CCSER1: variants seen among roughly 807,000 people sequenced by gnomAD.
CCSER1 encodes the protein serine-rich coiled-coil domain-containing protein 1.
CCSER1 carries 41 observed loss-of-function variants against 82.0 expected under a neutral mutation model. The observed-to-expected ratio is 0.50, with a 90% CI of 0.39 to 0.65. The LOEUF (loss-of-function observed/expected upper bound fraction) is 0.65. CCSER1 is among the 30% of genes least tolerant of loss of function. The pLI, the probability that CCSER1 is intolerant of heterozygous loss-of-function variation, is 0.00. For missense variants in CCSER1, 1,119 were observed against 1,064.2 expected (o/e 1.05, Z -0.72); for synonymous variants, 414 against 383.9 (o/e 1.08, Z -0.92).
intron 7 of CCSER1, among the ~76,000 whole-genome samples, chr4:90,796,525 C>T (rs1756065419): frequency 1.3e-5 from 2 of 150,816 alleles, no homozygotes; most frequent in Admixed American, 1.3e-4. Flanking sequence ...CTTCTGCTAG[C>T]TTTGTGATTT....
At chr4:91,379,231 G>C (rs977470418) in intron 10 of CCSER1, among the ~76,000 whole-genome samples, 8 of 152,102 alleles carry the variant, frequency 5.3e-5, no homozygotes, top group Non-Finnish European at 1.0e-4. Flanking sequence ...TTGTGTCTCT[G>C]TCAGGCTTTG....
rs138517080 is a variant in CCSER1 at position 91,344,856 on chromosome 4, T to C, written c.2218-253716T>C. Among the ~76,000 whole-genome samples the C allele has an allele frequency of 2.4e-3, 367 of 152,266 alleles. 2 individuals carry two copies. The highest frequency in any genetic ancestry group is 8.0e-3 in the African/African-American group (332 of 41,550). On this transcript the variant is annotated intron_variant, in intron 10 of 10. Transcript: ENST00000509176. ...ATTACAGTACTCAAAATAAATGAAT[T>C]ATAAAGGTAAATATGTAAATATTTG...
intron 10 of CCSER1, among the ~76,000 whole-genome samples, chr4:91,568,888 G>A (rs551923630): frequency 1.3e-5 from 2 of 152,200 alleles, no homozygotes; most frequent in Non-Finnish European, 2.9e-5. Flanking sequence ...TGGAGAAATG[G>A]TGAGGTCATT....
intron 1 of CCSER1, among the ~76,000 whole-genome samples, chr4:90,225,151 C>T (rs1051781302): frequency 1.4e-4 from 21 of 151,930 alleles, no homozygotes; most frequent in African/African-American, 5.1e-4. Flanking sequence ...GCAGCCTCAG[C>T]CTCCATGGGT....
At chr4:90,279,309 T>G (rs1486213306) in intron 1 of CCSER1, among the ~76,000 whole-genome samples, 2 of 152,060 alleles carry the variant, frequency 1.3e-5, no homozygotes, top group Non-Finnish European at 2.9e-5. Context: ...TAGTTTTATC[T>G]GGGTGGTGTT....
intron 10 of CCSER1, among the ~76,000 whole-genome samples, chr4:91,594,217 T>A (rs1764410459): frequency 6.6e-6 from 1 of 151,690 alleles, no homozygotes; most frequent in Non-Finnish European, 1.5e-5. Flanking sequence ...GTAATAAACA[T>A]TGGTTAACAT....
intron 5 of CCSER1, among the ~76,000 whole-genome samples, chr4:90,603,825 A>C (rs953016960): frequency 1.3e-5 from 2 of 152,292 alleles, no homozygotes; most frequent in Middle Eastern, 3.4e-3. Flanking sequence ...CCCTGTTTGT[A>C]GATGATTTAG....
intron 10 of CCSER1, among the ~76,000 whole-genome samples, chr4:91,373,290 A>T (rs187855978): frequency 4.6e-5 from 7 of 152,188 alleles, no homozygotes; most frequent in Non-Finnish European, 1.0e-4. Context: ...CACTTTGCAG[A>T]TATTGCACGT....
At chr4:91,111,612 G>A (rs1216092482) in intron 10 of CCSER1, among the ~76,000 whole-genome samples, 2 of 151,750 alleles carry the variant, frequency 1.3e-5, no homozygotes, top group Admixed American at 6.6e-5. Flanking sequence ...ATAAAATAAA[G>A]ATTGTATATA....
intron 7 of CCSER1, among the ~76,000 whole-genome samples, chr4:90,736,895 C>T (rs554103715): frequency 3.3e-5 from 5 of 151,980 alleles, no homozygotes; most frequent in African/African-American, 1.2e-4. Context: ...ATGAGATTTG[C>T]AAGTAACAAC....
At chr4:91,571,945 C>T (rs952527875) in intron 10 of CCSER1, among the ~76,000 whole-genome samples, 1 of 152,066 alleles carries the variant, frequency 6.6e-6, no homozygotes, top group African/African-American at 2.4e-5. Flanking sequence ...TATAGATAGA[C>T]ATTTAGGATC....
At chr4:90,738,274 G>A (rs1302222842) in intron 7 of CCSER1, among the ~76,000 whole-genome samples, 1 of 152,080 alleles carries the variant, frequency 6.6e-6, no homozygotes, top group African/African-American at 2.4e-5. Flanking sequence ...GGTATTCAAA[G>A]GGACTTTGGT....
intron 10 of CCSER1, among the ~76,000 whole-genome samples, chr4:91,120,299 G>T (rs887607466): frequency 4.6e-5 from 7 of 151,968 alleles, no homozygotes; most frequent in African/African-American, 1.4e-4. Context: ...GTTTATGGAA[G>T]TAATTGCATG....
chr4:90,655,997 C>T (rs1222757395), intron 6 of CCSER1, among the ~76,000 whole-genome samples: 1 of 151,862 alleles, frequency 6.6e-6, no homozygotes, highest in East Asian at 1.9e-4. Flanking sequence ...TGCTGCTTCT[C>T]CAAGTAGAGA....
intron 10 of CCSER1, among the ~76,000 whole-genome samples, chr4:91,329,798 C>G (rs1452246646): frequency 6.6e-6 from 1 of 152,034 alleles, no homozygotes; most frequent in Non-Finnish European, 1.5e-5. Context: ...GTTAGTGATT[C>G]TTTTGTATTT....
intron 5 of CCSER1, among the ~76,000 whole-genome samples, chr4:90,610,108 C>CCGGG (rs1439350713): frequency 2.0e-5 from 3 of 151,864 alleles, no homozygotes; most frequent in Non-Finnish European, 4.4e-5. Context: ...AAAAAATTAG[C>CCGGG]CGGGCGTGGT....
intron 10 of CCSER1, among the ~76,000 whole-genome samples, chr4:91,228,026 T>A (rs80257326): frequency 6.6e-6 from 1 of 152,060 alleles, no homozygotes; most frequent in Non-Finnish European, 1.5e-5. Flanking sequence ...TCTGTGACTT[T>A]ATTTTATTTC....
chr4:91,005,258 A>T (rs1265783406), intron 9 of CCSER1, among the ~76,000 whole-genome samples: 2 of 152,212 alleles, frequency 1.3e-5, no homozygotes, highest in Non-Finnish European at 2.9e-5. Context: ...CTTCTGTCAG[A>T]TGAGACAATA....
chr4:91,590,597 C>G (rs1483729590), intron 10 of CCSER1, among the ~76,000 whole-genome samples: 1 of 152,110 alleles, frequency 6.6e-6, no homozygotes, highest in Non-Finnish European at 1.5e-5. Context: ...TACATTGGCC[C>G]TTTAATGATT....
Sources: allele counts gnomAD v4.1 joint callset (sites outside exome capture counted in the v4.1 genomes callset), GRCh38; gene constraint gnomAD v4.1.1; transcripts MANE v1.5; gene names NCBI Gene and HGNC (gene_info 2026-07-23, HGNC 2026-07-21).